CHODL: variants seen among roughly 807,000 people sequenced by gnomAD.
CHODL encodes chondrolectin.
A neutral mutation model predicts 34.5 loss-of-function variants in CHODL; 29 were observed. That is an observed-to-expected ratio of 0.84 (90% CI 0.63 to 1.15). The LOEUF is 1.15. CHODL is among the 50% of genes most tolerant of loss of function. CHODL has a pLI of 0.00. For missense variants in CHODL, 332 were observed against 332.5 expected, an observed-to-expected ratio of 1.00 and a Z score of 0.01; for synonymous variants, 125 against 116.1, an observed-to-expected ratio of 1.08 and a Z score of -0.49.
intron 2 of CHODL, among the ~76,000 whole-genome samples, chr21:18,115,190 G>C (rs866284972): frequency 4.6e-5 from 7 of 152,158 alleles, no homozygotes; most frequent in Non-Finnish European, 8.8e-5. Context: ...AAGATTGTGG[G>C]AAACGCCAGT....
At chr21:17,945,865 T>C (rs2063403321) in intron 1 of CHODL, among the ~76,000 whole-genome samples, 2 of 152,008 alleles carry the variant, frequency 1.3e-5, no homozygotes, top group South Asian at 4.1e-4. Flanking sequence ...ATGAGAAACA[T>C]ATCACACACA....
At chr21:18,032,389 C>T (rs941938447) in intron 2 of CHODL, among the ~76,000 whole-genome samples, 2 of 151,880 alleles carry the variant, frequency 1.3e-5, no homozygotes, top group African/African-American at 2.4e-5. Flanking sequence ...TAGGAAAATA[C>T]AGAATGCATA....
intron 2 of CHODL, among the ~76,000 whole-genome samples, chr21:18,122,534 C>T (rs2065492414): frequency 7.0e-6 from 1 of 143,544 alleles, no homozygotes; most frequent in Admixed American, 7.2e-5. Flanking sequence ...TCCCTACCAA[C>T]ATATTTCTGC....
intron 2 of CHODL, among the ~76,000 whole-genome samples, chr21:18,096,665 T>C (rs2065143521): frequency 6.6e-6 from 1 of 152,188 alleles, no homozygotes. Flanking sequence ...TGTTTCCTGT[T>C]AAGATGTTTA....
intron 2 of CHODL, among the ~76,000 whole-genome samples, chr21:18,167,327 T>TTTTTTTG (rs2073170328): frequency 1.4e-5 from 2 of 146,826 alleles, no homozygotes; most frequent in African/African-American, 2.5e-5. Flanking sequence ...TTTTTTTTTT[T>TTTTTTTG]GAGACGGAGT....
At chr21:18,034,912 C>T (rs2657209) in intron 2 of CHODL, among the ~76,000 whole-genome samples, 1 of 151,812 alleles carries the variant, frequency 6.6e-6, no homozygotes, top group East Asian at 1.9e-4. Flanking sequence ...TTCAGAGAGA[C>T]CTGGTTGCTG....
intron 2 of CHODL, among the ~76,000 whole-genome samples, chr21:18,155,443 A>C (rs2073023506): frequency 6.6e-6 from 1 of 152,200 alleles, no homozygotes; most frequent in Non-Finnish European, 1.5e-5. Context: ...AAATGAATAG[A>C]TGGTGCAACA....
chr21:18,136,913 C>T (rs2072741036), intron 2 of CHODL, among the ~76,000 whole-genome samples: 1 of 151,664 alleles, frequency 6.6e-6, no homozygotes, highest in African/African-American at 2.4e-5. Context: ...GTCCAATGCC[C>T]TATACCATGA....
At chr21:18,071,635 T>C (rs2064806587) in intron 2 of CHODL, among the ~76,000 whole-genome samples, 1 of 152,196 alleles carries the variant, frequency 6.6e-6, no homozygotes, top group Admixed American at 6.5e-5. Flanking sequence ...CTCCTATCAA[T>C]AGTACTTAGA....
At chr21:18,161,518 C>T (rs929555364) in intron 2 of CHODL, among the ~76,000 whole-genome samples, 2 of 152,176 alleles carry the variant, frequency 1.3e-5, no homozygotes, top group African/African-American at 2.4e-5. Context: ...ACACTTCACA[C>T]CTTCCACTCT....
intron 1 of CHODL, among the ~76,000 whole-genome samples, chr21:18,246,699 G>C (rs2074146208): frequency 6.6e-6 from 1 of 152,152 alleles, no homozygotes; most frequent in Non-Finnish European, 1.5e-5. Context: ...TTGAACATAA[G>C]ATGTTTTTTA....
intron 1 of CHODL, among the ~76,000 whole-genome samples, chr21:18,247,965 AGT>A (rs2146785821): frequency 6.6e-6 from 1 of 152,052 alleles, no homozygotes; most frequent in South Asian, 2.1e-4. Flanking sequence ...TTGAAGAGCA[AGT>A]GATACTTTTA....
chr21:18,008,823 T>A (rs2063984669), intron 1 of CHODL, among the ~76,000 whole-genome samples: 1 of 152,192 alleles, frequency 6.6e-6, no homozygotes, highest in East Asian at 1.9e-4. Context: ...GCATATTGGT[T>A]CCAGATAAAT....
At chr21:18,262,975 T>C (rs939589323) in intron 5 of CHODL, 82 bp downstream of exon 5, 10 of 754,348 alleles carry the variant, frequency 1.3e-5, no homozygotes, top group Non-Finnish European at 2.0e-5. Flanking sequence ...TAGCATAAAG[T>C]TAATTATATT....
chr21:18,163,381 G>C, intron 2 of CHODL, among the ~76,000 whole-genome samples: 1 of 152,132 alleles, frequency 6.6e-6, no homozygotes, highest in East Asian at 1.9e-4. Context: ...ATATTGGACT[G>C]AACAAATTAA....
intron 2 of CHODL, among the ~76,000 whole-genome samples, chr21:18,056,799 TGAG>T: frequency 6.6e-6 from 1 of 152,136 alleles, no homozygotes; most frequent in Non-Finnish European, 1.5e-5. Flanking sequence ...CTAATTTTTC[TGAG>T]GAGATTAATG....
chr21:18,184,972 TC>T (rs1256992553), intron 2 of CHODL, among the ~76,000 whole-genome samples: 2 of 152,204 alleles, frequency 1.3e-5, no homozygotes, highest in Non-Finnish European at 2.9e-5. Flanking sequence ...TTTCTATTGT[TC>T]AGGGAACTGC....
chr21:18,205,489 T>C (rs1044353398), intron 2 of CHODL, among the ~76,000 whole-genome samples: 11 of 152,150 alleles, frequency 7.2e-5, no homozygotes, highest in Admixed American at 6.5e-4. Context: ...ATTATTTCTT[T>C]TCTTCTACTA....
chr21:18,260,173 TATG>T (rs1188591809), intron 3 of CHODL, 24 bp from the exon 4 acceptor site: 4 of 1,092,058 alleles, frequency 3.7e-6, no homozygotes, highest in East Asian at 2.7e-5. Context: ...AATCATTATA[TATG>T]ATGGTGGTTC....
Sources: gnomAD v4.1 joint callset for allele counts (sites outside exome capture counted in the v4.1 genomes callset) on GRCh38, gnomAD v4.1.1 for gene constraint, MANE v1.5 for transcripts, NCBI Gene and HGNC (gene_info 2026-07-23, HGNC 2026-07-21) for gene names.